The following CLINT1 variants were observed in gnomAD, a reference collection of about 807,000 sequenced individuals.
CLINT1 encodes the protein clathrin interacting protein localized in the trans-Golgi region.
Under a neutral mutation model 70.4 loss-of-function variants are expected in CLINT1, and 15 were observed. The observed-to-expected ratio is 0.21, with a 90% CI of 0.14 to 0.33. The LOEUF (loss-of-function observed/expected upper bound fraction) is 0.33. Ranked by LOEUF, CLINT1 falls within the 10% of genes least tolerant of loss-of-function variation. The probability of loss-of-function intolerance (pLI) is 1.00; values close to 1 mark genes in which losing one functional copy is unlikely to be tolerated. For synonymous variants in CLINT1, 227 were observed against 254.7 expected (o/e 0.89, Z 1.04); for missense variants, 615 against 778.1 (o/e 0.79, Z 2.49).
intron 3 of CLINT1, among the ~76,000 whole-genome samples, chr5:157,816,330 T>A (rs1762720546): frequency 6.6e-6 from 1 of 152,172 alleles, no homozygotes; most frequent in African/African-American, 2.4e-5. Flanking sequence ...ATTTTGAACA[T>A]TTTGGATACA....
intron 1 of CLINT1, among the ~76,000 whole-genome samples, chr5:157,840,868 A>AC (rs1386755883): frequency 2.0e-5 from 3 of 151,972 alleles, no homozygotes; most frequent in Non-Finnish European, 1.5e-5. Flanking sequence ...ACACAGCGAG[A>AC]CCCCATCTCT....
chr5:157,846,375 C>G (rs1022210453), intron 1 of CLINT1, among the ~76,000 whole-genome samples: 1 of 147,768 alleles, frequency 6.8e-6, no homozygotes, highest in African/African-American at 2.6e-5. Context: ...GAATATCAAA[C>G]TAGCCACAAC....
At chr5:157,834,330 G>A (rs1295929556) in intron 1 of CLINT1, among the ~76,000 whole-genome samples, 3 of 151,444 alleles carry the variant, frequency 2.0e-5, no homozygotes, top group Non-Finnish European at 2.9e-5. Flanking sequence ...GCGCCACTGC[G>A]CCACCGCACT....
In CLINT1 at chr5:157,814,225, G is replaced by A; in HGVS notation, c.312C>T (p.His104=). Residue 104 remains histidine (H), a synonymous_variant, in exon 4 of 12, where the codon CAC becomes CAT. Coordinates refer to ENST00000411809, the MANE Select transcript of CLINT1 (RefSeq NM_014666.4). ...TTTCCAGGGATCGTAAATCATAAAT[G>A]TGTTCTCTGGCACTTGTAACAACAC... ...SERVVTSARE[H]IYDLRSLENY... is the part of the protein sequence containing the mutation. The A allele has an allele frequency of 5.0e-6, 8 of 1,610,718 alleles. No homozygotes were observed. The highest frequency in any genetic ancestry group is 2.2e-5 in the East Asian group (1 of 44,856).
chr5:157,803,472 C>T (rs1762288045), intron 8 of CLINT1, among the ~76,000 whole-genome samples, 178 bp downstream of exon 8: 2 of 152,076 alleles, frequency 1.3e-5, no homozygotes, highest in Non-Finnish European at 2.9e-5. Context: ...AATGGGTGTA[C>T]ATATAAAAAG....
At chr5:157,824,640 A>C (rs973941351) in intron 1 of CLINT1, among the ~76,000 whole-genome samples, 2 of 152,250 alleles carry the variant, frequency 1.3e-5, no homozygotes, top group African/African-American at 4.8e-5. Flanking sequence ...TTAAAGCAAT[A>C]ATAAACCATA....
At chr5:157,853,504 C>T (rs1459638608) in intron 1 of CLINT1, among the ~76,000 whole-genome samples, 6 of 151,834 alleles carry the variant, frequency 4.0e-5, no homozygotes, top group Admixed American at 2.6e-4. Flanking sequence ...AGGCCGGGCA[C>T]GGAGGCTCAC....
intron 1 of CLINT1, among the ~76,000 whole-genome samples, chr5:157,847,026 T>C (rs1161076623): frequency 1.3e-5 from 2 of 152,052 alleles, no homozygotes; most frequent in African/African-American, 2.4e-5. Flanking sequence ...AGTGTTTTCA[T>C]GTCTGCTAAC....
Position 157,799,597 on chromosome 5 carries a change from G to A in CLINT1, c.1012+4053C>T, listed in dbSNP as rs554697051. Among the ~76,000 whole-genome samples, 48 of 152,136 alleles carry A rather than the reference G, an allele frequency of 3.2e-4. No individual in the cohort carries two copies. The South Asian group carries it at 8.7e-3, about 28-fold the overall frequency. On this transcript the variant is annotated intron_variant, in intron 8 of 11. Coordinates refer to ENST00000411809, the MANE Select transcript of CLINT1 (RefSeq NM_014666.4). The stretch of plus-strand genomic sequence containing the variant: ...ATTTCTTAATTACAAAGGGACAAAA[G>A]AGACAAGTTGGACTTCTTTTTAAAG...
chr5:157,821,920 C>T (rs1395896043), intron 1 of CLINT1, among the ~76,000 whole-genome samples: 2 of 152,166 alleles, frequency 1.3e-5, no homozygotes, highest in Non-Finnish European at 2.9e-5. Flanking sequence ...AGTGCTTTTA[C>T]TCATTTTCAC....
intron 1 of CLINT1, among the ~76,000 whole-genome samples, chr5:157,845,109 GAGGCCAAGGC>G (rs1261683054): frequency 6.6e-6 from 1 of 152,168 alleles, no homozygotes; most frequent in Admixed American, 6.6e-5. Flanking sequence ...AGCACTTTGG[GAGGCCAAGGC>G]AGGCGAATCA....
At chr5:157,835,669 G>A (rs1763396310) in intron 1 of CLINT1, among the ~76,000 whole-genome samples, 1 of 151,982 alleles carries the variant, frequency 6.6e-6, no homozygotes, top group Non-Finnish European at 1.5e-5. Context: ...GGAAGAAAGG[G>A]GAGCTGAGAC....
intron 1 of CLINT1, among the ~76,000 whole-genome samples, chr5:157,820,680 C>T (rs1762854476): frequency 6.6e-6 from 1 of 152,060 alleles, no homozygotes; most frequent in African/African-American, 2.4e-5. Flanking sequence ...TCAATCTATG[C>T]CCTACCCATA....
At chr5:157,789,997 T>A (rs1761852026) in intron 10 of CLINT1, 2 of 174,492 alleles carry the variant, frequency 1.1e-5, no homozygotes, top group African/African-American at 4.8e-5. Flanking sequence ...GGTCAGAAGT[T>A]CAAGACCAGA....
intron 1 of CLINT1, among the ~76,000 whole-genome samples, chr5:157,845,063 T>C (rs1271908293): frequency 6.6e-6 from 1 of 152,226 alleles, no homozygotes; most frequent in African/African-American, 2.4e-5. Flanking sequence ...TCTTAAGTAC[T>C]GTAGCCTGGG....
chr5:157,821,866 T>C (rs1010634697), intron 1 of CLINT1, among the ~76,000 whole-genome samples: 2 of 152,194 alleles, frequency 1.3e-5, no homozygotes, highest in Non-Finnish European at 2.9e-5. Flanking sequence ...ATAAAATCCA[T>C]AGACACAATC....
rs991705574 is a variant in CLINT1, at chr5:157,787,867, T to C, written c.1657A>G (p.Met553Val). Residue 553 changes from methionine (M) to valine (V), a missense_variant, in exon 12 of 12, where the codon ATG (methionine) becomes GTG (valine). Physicochemically the swap from Met to Val is conservative, Grantham distance 21. This residue lies in a region of CLINT1 where 374 missense variants were observed against 409.6 expected (regional missense o/e 0.91). Coordinates refer to ENST00000411809, the MANE Select transcript of CLINT1 (RefSeq NM_014666.4). ...ALIGGPMPMS[M>V]PNVMTGTMGM... is the part of the protein sequence containing the mutation. ...ATGGTGCCAGTCATCACATTGGGCA[T>C]GCTCATAGGCATGGGTCCCCCTATC... 1 of 1,613,844 alleles carries C rather than the reference T, an allele frequency of 6.2e-7. No individual in the cohort carries two copies. The highest frequency in any genetic ancestry group is 8.5e-7 in the Non-Finnish European group (1 of 1,179,864).
intron 1 of CLINT1, among the ~76,000 whole-genome samples, chr5:157,839,175 G>A (rs1222941434): frequency 6.6e-6 from 1 of 152,188 alleles, no homozygotes; most frequent in Admixed American, 6.6e-5. Context: ...GCTATAGTGG[G>A]CCATGATCGT....
At chr5:157,797,088 G>C (rs1235785371) in intron 8 of CLINT1, among the ~76,000 whole-genome samples, 1 of 152,122 alleles carries the variant, frequency 6.6e-6, no homozygotes, top group African/African-American at 2.4e-5. Flanking sequence ...AGTTCAATGA[G>C]TTATACATGT....
Sources: gnomAD v4.1 joint callset for allele counts (sites outside exome capture counted in the v4.1 genomes callset) on GRCh38, gnomAD v4.1.1 for gene constraint, gnomAD v4.1.1 regional missense constraint, MANE v1.5 for transcripts, NCBI Gene and HGNC (gene_info 2026-07-23, HGNC 2026-07-21) for gene names.